THRB: variants seen among roughly 807,000 people sequenced by gnomAD.
The protein encoded by THRB is thyroid hormone receptor beta, also known as nuclear receptor subfamily 1 group A member 2.
THRB carries 12 observed loss-of-function variants against 47.8 expected under a neutral mutation model. The observed-to-expected ratio is 0.25, with a 90% CI of 0.16 to 0.41. The LOEUF (loss-of-function observed/expected upper bound fraction) is 0.41. THRB is among the 10% of genes least tolerant of loss of function. The probability of loss-of-function intolerance (pLI) is 1.00; values close to 1 mark genes in which losing one functional copy is unlikely to be tolerated. For missense variants in THRB, 348 were observed against 589.2 expected (o/e 0.59, Z 4.24); for synonymous variants, 218 against 212.2 (o/e 1.03, Z -0.24).
chr3:24,218,343 T>TC (rs1491207202), intron 4 of THRB, among the ~76,000 whole-genome samples: 149 of 78,778 alleles, frequency 1.9e-3, no homozygotes, highest in Middle Eastern at 0.011. Flanking sequence ...TCTCTCTCTC[T>TC]TTTTTTTTTT....
At chr3:24,371,905 A>T (rs1026022766) in intron 1 of THRB, among the ~76,000 whole-genome samples, 2 of 152,148 alleles carry the variant, frequency 1.3e-5, no homozygotes, top group Non-Finnish European at 2.9e-5. Flanking sequence ...TTTTGTGTTT[A>T]TAAGACGTGA....
At chr3:24,342,544 T>C (rs901649840) in intron 1 of THRB, among the ~76,000 whole-genome samples, 2 of 152,044 alleles carry the variant, frequency 1.3e-5, no homozygotes, top group Admixed American at 1.3e-4. Context: ...GGAGAAGAAA[T>C]ACCCTGGCTT....
At chr3:24,155,994 A>C (rs990299702) in intron 5 of THRB, among the ~76,000 whole-genome samples, 4 of 152,252 alleles carry the variant, frequency 2.6e-5, no homozygotes, top group Non-Finnish European at 5.9e-5. Context: ...ATTATTTTTC[A>C]GATTAATACA....
intron 3 of THRB, among the ~76,000 whole-genome samples, chr3:24,280,650 G>A (rs1037982731): frequency 2.0e-5 from 3 of 152,064 alleles, no homozygotes; most frequent in South Asian, 4.2e-4. Context: ...AGCTATGGGA[G>A]GACATTCAAA....
chr3:24,238,080 T>G (rs999645682), intron 3 of THRB: 2 of 151,936 alleles, frequency 1.3e-5, no homozygotes, highest in African/African-American at 4.8e-5. Flanking sequence ...CTCCGAACAC[T>G]CCTAAGAAAT....
At chr3:24,355,070 G>T (rs2063587686) in intron 1 of THRB, among the ~76,000 whole-genome samples, 1 of 152,078 alleles carries the variant, frequency 6.6e-6, no homozygotes, top group East Asian at 1.9e-4. Flanking sequence ...TTTCCAATGA[G>T]AAAACCCAAC....
intron 2 of THRB, among the ~76,000 whole-genome samples, chr3:24,308,738 TGAATATTTGC>T (rs2057536267): frequency 6.6e-6 from 1 of 152,220 alleles, no homozygotes; most frequent in African/African-American, 2.4e-5. Flanking sequence ...ATAAACTCAA[TGAATATTTGC>T]TCAATTTTAA....
intron 1 of THRB, among the ~76,000 whole-genome samples, chr3:24,398,413 C>A (rs568411816): frequency 1.3e-5 from 2 of 152,132 alleles, no homozygotes; most frequent in Admixed American, 6.5e-5. Context: ...AACAAGTGGG[C>A]GAAGGATATG....
chr3:24,340,136 T>A (rs1224337267), intron 1 of THRB, among the ~76,000 whole-genome samples: 1 of 152,240 alleles, frequency 6.6e-6, no homozygotes, highest in South Asian at 2.1e-4. Flanking sequence ...CTTGGTTTAC[T>A]AATATGTTAT....
At chr3:24,269,366 TC>T (rs2053022394) in intron 3 of THRB, among the ~76,000 whole-genome samples, 2 of 118,532 alleles carry the variant, frequency 1.7e-5, no homozygotes, top group African/African-American at 6.7e-5. Context: ...AGCGACACCA[TC>T]ATAGCTCATC....
intron 1 of THRB, among the ~76,000 whole-genome samples, chr3:24,493,442 G>C (rs1698492483): frequency 6.6e-6 from 1 of 152,140 alleles, no homozygotes; most frequent in Non-Finnish European, 1.5e-5. Flanking sequence ...TATATAAACT[G>C]CTGTGCTTGA....
intron 4 of THRB, among the ~76,000 whole-genome samples, chr3:24,228,098 C>T (rs533984736): frequency 4.0e-4 from 61 of 152,254 alleles, no homozygotes; most frequent in African/African-American, 1.4e-3. Flanking sequence ...TCAGTGATTG[C>T]TTAGAGTGGG....
chr3:24,353,306 G>A (rs2063474542), intron 1 of THRB, among the ~76,000 whole-genome samples: 1 of 152,048 alleles, frequency 6.6e-6, no homozygotes, highest in South Asian at 2.1e-4. Flanking sequence ...ATGTCACACA[G>A]CCATGAATTG....
intron 1 of THRB, among the ~76,000 whole-genome samples, chr3:24,442,562 C>A (rs1043548979): frequency 6.6e-6 from 1 of 152,216 alleles, no homozygotes; most frequent in African/African-American, 2.4e-5. Context: ...CAGTGGCTCA[C>A]GCCTGTAATC....
intron 5 of THRB, among the ~76,000 whole-genome samples, chr3:24,186,417 G>A (rs115527849): frequency 0.018 from 2,707 of 151,026 alleles, 86 homozygotes; most frequent in African/African-American, 0.062. Context: ...CCAAGGAAGT[G>A]TGGCATGGAA....
intron 1 of THRB, among the ~76,000 whole-genome samples, chr3:24,439,928 A>C (rs1025559129): frequency 2.0e-5 from 3 of 152,176 alleles, no homozygotes; most frequent in African/African-American, 7.2e-5. Context: ...GCCCAGAACT[A>C]CCCAGGAGTC....
At position 24,261,922 on chromosome 3, in the gene THRB, G is replaced by A. The variant is rs1003072956; in HGVS notation, c.-42-32921C>T. ...AGCCTTTACAAGCTACAAGACTTAC[G>A]CCTGGGATACCTTTTATTCTTCAGT... is the stretch of plus-strand genomic sequence containing the variant. On this transcript the variant is annotated intron_variant, in intron 3 of 10. Coordinates refer to ENST00000646209, the MANE Select transcript of THRB (RefSeq NM_001354712.2). Among the ~76,000 whole-genome samples the A allele has an allele frequency of 2.1e-4, 32 of 152,136 alleles. 1 individual carries two copies. The highest frequency in any genetic ancestry group is 2.1e-4 in the South Asian group (1 of 4,816).
intron 3 of THRB, among the ~76,000 whole-genome samples, chr3:24,276,587 G>A (rs536942248): frequency 6.6e-6 from 1 of 152,358 alleles, no homozygotes; most frequent in African/African-American, 2.4e-5. Context: ...TTAGCCCAGT[G>A]CCTAGGACAT....
intron 1 of THRB, among the ~76,000 whole-genome samples, chr3:24,365,384 T>C (rs73043761): frequency 0.013 from 2,025 of 152,298 alleles, 21 homozygotes; most frequent in South Asian, 0.034. Flanking sequence ...CAACTTCGTG[T>C]CACTGGACTT....
Sources: allele counts gnomAD v4.1 joint callset (sites outside exome capture counted in the v4.1 genomes callset), GRCh38; gene constraint gnomAD v4.1.1; transcripts MANE v1.5; gene names NCBI Gene and HGNC (gene_info 2026-07-23, HGNC 2026-07-21).